Variants in FAM135B observed in about 807,000 individuals in gnomAD.
The protein encoded by FAM135B is protein FAM135B.
A neutral mutation model predicts 127.7 loss-of-function variants in FAM135B; 43 were observed. The ratio of observed to expected loss-of-function variants is 0.34; its 90% CI spans 0.26 to 0.43. The LOEUF is 0.43. FAM135B is among the 20% of genes least tolerant of loss of function. The pLI, the probability that FAM135B is intolerant of heterozygous loss-of-function variation, is 1.00. For synonymous variants in FAM135B, 670 were observed against 665.1 expected, an observed-to-expected ratio of 1.01 and a Z score of -0.11; for missense variants, 1,558 against 1,725.6, an observed-to-expected ratio of 0.90 and a Z score of 1.72.
chr8:138,181,170 A>G (rs1050819800), intron 9 of FAM135B, among the ~76,000 whole-genome samples: 2 of 152,130 alleles, frequency 1.3e-5, no homozygotes, highest in East Asian at 3.9e-4. Context: ...GAACCTGGGA[A>G]GCAGAGGTTG....
At chr8:138,404,406 C>A (rs182472024) in intron 1 of FAM135B, among the ~76,000 whole-genome samples, 38 of 152,182 alleles carry the variant, frequency 2.5e-4, no homozygotes, top group African/African-American at 8.9e-4. Context: ...GCTGACTGAT[C>A]GGGGTAATAG....
intron 1 of FAM135B, among the ~76,000 whole-genome samples, chr8:138,481,235 T>C (rs1308248857): frequency 6.6e-6 from 1 of 152,236 alleles, no homozygotes; most frequent in Non-Finnish European, 1.5e-5. Flanking sequence ...TATCAGGCAC[T>C]TTGTTAAGTC....
intron 7 of FAM135B, among the ~76,000 whole-genome samples, chr8:138,226,621 G>A (rs1819474002): frequency 6.6e-6 from 1 of 152,156 alleles, no homozygotes; most frequent in Admixed American, 6.5e-5. Context: ...GAGTGCAGTA[G>A]TGTGATGTCA....
At chr8:138,439,797 G>A (rs1835661981) in intron 1 of FAM135B, 1 of 152,214 alleles carries the variant, frequency 6.6e-6, no homozygotes, top group Admixed American at 6.5e-5. Flanking sequence ...ACTGTCCAAT[G>A]TTGAAATGTG....
At chr8:138,278,154 A>C (rs1055540498) in intron 3 of FAM135B, among the ~76,000 whole-genome samples, 1 of 151,958 alleles carries the variant, frequency 6.6e-6, no homozygotes, top group African/African-American at 2.4e-5. Context: ...ATAGGAGAAC[A>C]GGTCATCTGG....
chr8:138,376,399 T>G (rs975113770), intron 1 of FAM135B, among the ~76,000 whole-genome samples: 1 of 152,170 alleles, frequency 6.6e-6, no homozygotes, highest in Non-Finnish European at 1.5e-5. Context: ...TCCCACCTCT[T>G]CCATGTGCCT....
intron 3 of FAM135B, among the ~76,000 whole-genome samples, chr8:138,306,412 G>GC (rs1279960425): frequency 6.8e-6 from 1 of 147,274 alleles, no homozygotes; most frequent in Non-Finnish European, 1.5e-5. Flanking sequence ...TCCAGTCTGG[G>GC]AGACTGAGCA....
At chr8:138,374,714 A>G (rs1220320133) in intron 1 of FAM135B, among the ~76,000 whole-genome samples, 2 of 152,204 alleles carry the variant, frequency 1.3e-5, no homozygotes, top group African/African-American at 2.4e-5. Flanking sequence ...TGGCAGAAAA[A>G]GCAAGTTCTT....
At chr8:138,328,621 CTAA>C (rs1467775286) in intron 2 of FAM135B, among the ~76,000 whole-genome samples, 1 of 152,090 alleles carries the variant, frequency 6.6e-6, no homozygotes, top group Admixed American at 6.6e-5. Context: ...ACCATTTACT[CTAA>C]TAAGTGTTAC....
chr8:138,495,285 G>T (rs1429547571), intron 1 of FAM135B, among the ~76,000 whole-genome samples: 1 of 152,126 alleles, frequency 6.6e-6, no homozygotes, highest in African/African-American at 2.4e-5. Context: ...CAGTGAGGTG[G>T]AACAACTCAA....
rs1563808742 is a variant in FAM135B at position 138,241,382 on chromosome 8, C to T, written c.669+1560G>A. 6.6e-6 allele frequency among the ~76,000 whole-genome samples: 1 copy of T among 152,176 alleles called. No individual in the cohort carries two copies. Among genetic ancestry groups the T allele is most frequent in the East Asian group, 1.9e-4 (1 of 5,188 alleles). On this transcript the variant is annotated intron_variant, in intron 7 of 19. Coordinates refer to ENST00000395297, the MANE Select transcript of FAM135B (RefSeq NM_015912.4). The surrounding 1 kb of genome is among the most constrained non-coding windows in gnomAD (Gnocchi z 4.8). ...TCTTATTTGGCTCTAAAATCTGCTC[C>T]TTCCATGGCACAGAACCCCATTCTG...
intron 3 of FAM135B, among the ~76,000 whole-genome samples, chr8:138,308,404 C>T (rs2130880068): frequency 6.6e-6 from 1 of 152,282 alleles, no homozygotes; most frequent in East Asian, 1.9e-4. Flanking sequence ...TTTTGGAGTG[C>T]TTCATAATGC....
intron 7 of FAM135B, among the ~76,000 whole-genome samples, chr8:138,229,060 T>C (rs1280258400): frequency 3.0e-5 from 4 of 134,308 alleles, no homozygotes; most frequent in South Asian, 4.5e-4. Flanking sequence ...TGTGTGTGTG[T>C]GCGTGTGTAC....
At chr8:138,338,036 T>C (rs77309192) in intron 2 of FAM135B, among the ~76,000 whole-genome samples, 144,398 of 152,200 alleles carry the variant, frequency 0.95, 68,683 homozygotes, top group Non-Finnish European at 0.98. Flanking sequence ...TAAATGGTGC[T>C]GGGAAAACTG....
intron 1 of FAM135B, among the ~76,000 whole-genome samples, chr8:138,416,584 A>C (rs899016654): frequency 1.3e-5 from 2 of 152,202 alleles, no homozygotes; most frequent in Non-Finnish European, 2.9e-5. Flanking sequence ...TCATTCAAAA[A>C]TTAGTTATTA....
chr8:138,152,658 G>C lies in FAM135B; in HGVS notation c.1817C>G (p.Ser606Cys). The C allele has an allele frequency of 6.2e-7, 1 of 1,614,210 alleles. No homozygotes were observed. The highest frequency in any genetic ancestry group is 1.1e-5 in the South Asian group (1 of 91,084). The stretch of plus-strand genomic sequence containing the variant: ...TTCATGGAGAGTTGTTTTGTCTGAA[G>C]AGATGGCATTTTGGTGGCTTCCACC... ...VVGGSHQNAI[S>C]SDKTTLHELS... The change falls in exon 13 of 20, where the codon TCT (serine) becomes TGT (cysteine). Residue 606 changes from serine to cysteine, a missense_variant. This residue lies in a region of FAM135B where 923 missense variants were observed against 865.3 expected (regional missense o/e 1.07). Transcript: ENST00000395297.
chr8:138,314,857 T>G (rs1587061189), intron 2 of FAM135B, among the ~76,000 whole-genome samples: 1 of 143,700 alleles, frequency 7.0e-6, no homozygotes, highest in African/African-American at 2.6e-5. Context: ...TCCAGCCTGG[T>G]TGTCAGGCGG....
rs140540621 is a variant in FAM135B at position 138,208,640 on chromosome 8, G to T, written c.670-10971C>A. On this transcript the variant is annotated intron_variant, in intron 7 of 19. Transcript: ENST00000395297. ...AGATCCAGGGTCAAGTCCAGGCTTT[G>T]CTCCTCCCTTTGGACAGAGACTTTG... Among the ~76,000 whole-genome samples, 503 of 152,314 alleles carry T rather than the reference G, an allele frequency of 3.3e-3. 4 individuals are homozygous for T. The highest frequency in any genetic ancestry group is 0.011 in the African/African-American group (475 of 41,572).
chr8:138,190,317 A>G (rs1464006074), intron 9 of FAM135B, among the ~76,000 whole-genome samples: 3 of 152,190 alleles, frequency 2.0e-5, no homozygotes, highest in Non-Finnish European at 4.4e-5. Flanking sequence ...CTGAAGCACT[A>G]GTCAGGCCAT....
Sources: allele counts gnomAD v4.1 joint callset (sites outside exome capture counted in the v4.1 genomes callset), GRCh38; gene constraint gnomAD v4.1.1; regional missense constraint gnomAD v4.1.1; non-coding constraint Gnocchi (gnomAD v3.1); transcripts MANE v1.5; gene names NCBI Gene and HGNC (gene_info 2026-07-23, HGNC 2026-07-21).